NOL4: variants seen among roughly 807,000 people sequenced by gnomAD.
NOL4 encodes nucleolar protein 4, also known as cancer/testis antigen 125.
A neutral mutation model predicts 75.9 loss-of-function variants in NOL4; 17 were observed. The ratio of observed to expected loss-of-function variants is 0.22; its 90% confidence interval spans 0.15 to 0.34. NOL4 has a LOEUF of 0.34. Ranked by LOEUF, NOL4 falls within the 10% of genes least tolerant of loss-of-function variation. The probability of loss-of-function intolerance (pLI) is 1.00; values close to 1 mark genes in which losing one functional copy is unlikely to be tolerated. For synonymous variants in NOL4, 292 were observed against 289.9 expected, an observed-to-expected ratio of 1.01 and a Z score of -0.07; for missense variants, 614 against 793.5, an observed-to-expected ratio of 0.77 and a Z score of 2.72.
intron 3 of NOL4, among the ~76,000 whole-genome samples, chr18:34,104,663 A>G (rs1213213239): frequency 6.6e-6 from 1 of 152,022 alleles, no homozygotes; most frequent in Non-Finnish European, 1.5e-5. Context: ...CATAATTTTA[A>G]TGTAAAATTT....
At chr18:33,920,409 G>C (rs1203534458) in intron 9 of NOL4, among the ~76,000 whole-genome samples, 1 of 152,162 alleles carries the variant, frequency 6.6e-6, no homozygotes, top group Non-Finnish European at 1.5e-5. Flanking sequence ...TTTAAATTAT[G>C]TGCCTTCAAT....
intron 10 of NOL4, among the ~76,000 whole-genome samples, chr18:33,869,034 G>T (rs1216283957): frequency 2.0e-5 from 3 of 151,742 alleles, no homozygotes; most frequent in African/African-American, 7.3e-5. Flanking sequence ...TTGGCAATTT[G>T]CTGCTTCCTA....
chr18:34,218,291 C>A (rs976022613), intron 1 of NOL4, among the ~76,000 whole-genome samples: 4 of 152,106 alleles, frequency 2.6e-5, no homozygotes, highest in African/African-American at 7.2e-5. Context: ...GGAGCAGGAT[C>A]CCAGCAAACT....
intron 2 of NOL4, 104 bp from the exon 3 acceptor site, chr18:34,105,264 G>T: frequency 1.4e-6 from 1 of 738,496 alleles, no homozygotes; most frequent in Non-Finnish European, 2.3e-6. Flanking sequence ...ATTCCATAAT[G>T]GCAGGAAGCA....
intron 8 of NOL4, among the ~76,000 whole-genome samples, chr18:33,954,651 A>G (rs1169706019): frequency 1.3e-5 from 2 of 152,088 alleles, no homozygotes; most frequent in African/African-American, 4.8e-5. Context: ...GTAGAATTAT[A>G]TGGGGGCAGA....
At position 34,001,439 on chromosome 18, in the gene NOL4, G is replaced by A. The variant is rs548690479; in HGVS notation, c.1056+17879C>T. On this transcript the variant is annotated intron_variant, in intron 6 of 10. Coordinates refer to ENST00000261592, the MANE Select transcript of NOL4 (RefSeq NM_003787.5). ...CCCTTTGTTACCTTTCAGCTAGTCT[G>A]ATTTAGTAAACATCTGCTAGAAATT... Among the ~76,000 whole-genome samples the A allele has an allele frequency of 5.3e-5, 8 of 152,250 alleles. No homozygotes were observed. The South Asian group carries it at 1.7e-3, about 32-fold the overall frequency.
intron 9 of NOL4, among the ~76,000 whole-genome samples, chr18:33,912,687 A>G (rs2066479869): frequency 6.6e-6 from 1 of 152,106 alleles, no homozygotes; most frequent in Non-Finnish European, 1.5e-5. Flanking sequence ...GACAATCAGC[A>G]TAGTTTCTGA....
intron 6 of NOL4, among the ~76,000 whole-genome samples, chr18:34,003,219 T>A (rs2073836836): frequency 6.6e-6 from 1 of 152,130 alleles, no homozygotes; most frequent in Admixed American, 6.6e-5. Context: ...TTCTGAAATT[T>A]TCTTCATGTA....
At chr18:34,071,553 C>T (rs2077519588) in intron 5 of NOL4, among the ~76,000 whole-genome samples, 1 of 151,870 alleles carries the variant, frequency 6.6e-6, no homozygotes, top group African/African-American at 2.4e-5. Flanking sequence ...CAGCAGAAAC[C>T]ATACTTTGAG....
At chr18:33,874,533 T>G (rs2063842296) in intron 10 of NOL4, among the ~76,000 whole-genome samples, 1 of 151,866 alleles carries the variant, frequency 6.6e-6, no homozygotes, top group Admixed American at 6.6e-5. Context: ...GGGTGGACAT[T>G]TCAACATTCT....
intron 9 of NOL4, among the ~76,000 whole-genome samples, chr18:33,931,609 T>C (rs893711294): frequency 2.6e-5 from 4 of 151,958 alleles, no homozygotes; most frequent in Non-Finnish European, 4.4e-5. Flanking sequence ...TGACATGTGT[T>C]TGTAGTCCCA....
intron 9 of NOL4, among the ~76,000 whole-genome samples, chr18:33,897,444 A>G (rs1203973037): frequency 1.3e-5 from 2 of 152,172 alleles, no homozygotes; most frequent in Non-Finnish European, 2.9e-5. Flanking sequence ...TAAAAATAGA[A>G]TGAGATCATG....
chr18:34,113,116 C>T (rs991356004), intron 2 of NOL4, among the ~76,000 whole-genome samples: 7 of 151,880 alleles, frequency 4.6e-5, no homozygotes, highest in Non-Finnish European at 1.5e-5. Flanking sequence ...ACTACAGGTG[C>T]GGACCACTAA....
chr18:34,149,895 A>C (rs566969012), intron 1 of NOL4, among the ~76,000 whole-genome samples: 1 of 151,706 alleles, frequency 6.6e-6, no homozygotes, highest in South Asian at 2.1e-4. Context: ...TAGAATTTAT[A>C]CCTCTATAAC....
chr18:33,923,827 C>A (rs2067175447), intron 9 of NOL4, among the ~76,000 whole-genome samples: 1 of 152,042 alleles, frequency 6.6e-6, no homozygotes, highest in Non-Finnish European at 1.5e-5. Context: ...AAGCAACAAC[C>A]AGTTTACAGC....
At chr18:34,040,468 C>T (rs1363787652) in intron 5 of NOL4, among the ~76,000 whole-genome samples, 1 of 151,858 alleles carries the variant, frequency 6.6e-6, no homozygotes, top group East Asian at 1.9e-4. Context: ...AAAAATGCTT[C>T]AATCATGAAT....
At chr18:34,210,896 A>G (rs1186666949) in intron 1 of NOL4, among the ~76,000 whole-genome samples, 2 of 152,194 alleles carry the variant, frequency 1.3e-5, no homozygotes, top group Non-Finnish European at 2.9e-5. Context: ...GAATAGATAT[A>G]TAATTTGTTT....
chr18:34,134,309 A>T (rs910157384), intron 1 of NOL4, among the ~76,000 whole-genome samples: 19 of 152,072 alleles, frequency 1.2e-4, no homozygotes, highest in African/African-American at 4.6e-4. Context: ...TGTATATTGT[A>T]TGCTCAAGAG....
At chr18:34,103,831 C>A (rs2079147785) in intron 4 of NOL4, among the ~76,000 whole-genome samples, 1 of 151,940 alleles carries the variant, frequency 6.6e-6, no homozygotes, top group African/African-American at 2.4e-5. Context: ...CAAACAAATT[C>A]CCACATAACA....
Sources: gnomAD v4.1 joint callset for allele counts (sites outside exome capture counted in the v4.1 genomes callset) on GRCh38, gnomAD v4.1.1 for gene constraint, MANE v1.5 for transcripts, NCBI Gene and HGNC (gene_info 2026-07-23, HGNC 2026-07-21) for gene names.